VPS13C: variants seen among roughly 807,000 people sequenced by gnomAD.
VPS13C encodes the protein intermembrane lipid transfer protein VPS13C.
Under a neutral mutation model 456.8 loss-of-function variants are expected in VPS13C, and 358 were observed. The observed-to-expected ratio is 0.78, with a 90% CI of 0.72 to 0.86. The LOEUF is 0.86. VPS13C is among the 40% of genes least tolerant of loss of function. The probability of loss-of-function intolerance (pLI) is 0.00; values close to 1 mark genes in which losing one functional copy is unlikely to be tolerated. For synonymous variants in VPS13C, 1,578 were observed against 1,486.7 expected, an observed-to-expected ratio of 1.06 and a Z score of -1.41; for missense variants, 4,818 against 4,385.4, an observed-to-expected ratio of 1.10 and a Z score of -2.79.
chr15:62,022,563 T>C (rs2047501477), intron 8 of VPS13C, among the ~76,000 whole-genome samples: 1 of 151,946 alleles, frequency 6.6e-6, no homozygotes, highest in Non-Finnish European at 1.5e-5. Context: ...ACTCCATAAA[T>C]CAAGTCAGTA....
chr15:61,941,087 C>G (rs1240108874), intron 46 of VPS13C, among the ~76,000 whole-genome samples: 1 of 152,186 alleles, frequency 6.6e-6, no homozygotes, highest in African/African-American at 2.4e-5. Context: ...CTGTTTGATA[C>G]AGCGAATAGT....
At chr15:61,943,826 A>C (rs2044513355) in intron 45 of VPS13C, among the ~76,000 whole-genome samples, 1 of 152,120 alleles carries the variant, frequency 6.6e-6, no homozygotes, top group Admixed American at 6.5e-5. Context: ...TACAAAAGAA[A>C]CTTTCAGTGG....
At chr15:62,012,997 A>G in intron 11 of VPS13C, 42 bp downstream of exon 11, 1 of 1,487,776 alleles carries the variant, frequency 6.7e-7, no homozygotes, top group South Asian at 1.2e-5. Context: ...AAATTTAGGG[A>G]TGGGAGTGAA....
At chr15:62,053,350 G>A (rs1315779454) in intron 1 of VPS13C, among the ~76,000 whole-genome samples, 2 of 152,078 alleles carry the variant, frequency 1.3e-5, no homozygotes, top group Non-Finnish European at 2.9e-5. Flanking sequence ...TGCCCTACAG[G>A]TACCTGTTAA....
Position 61,867,594 on chromosome 15 carries a change from C to T in VPS13C, c.10863+1065G>A, listed in dbSNP as rs897154084. ...GTTTTTCAATTTTACCTGAAATGCA[C>T]ATGAACACCATAAGATAAAATTTTC... On this transcript the variant is annotated intron_variant, in intron 81 of 84. Coordinates refer to ENST00000644861, the MANE Select transcript of VPS13C (RefSeq NM_020821.3). The surrounding 1 kb of genome is among the most constrained non-coding windows in gnomAD (Gnocchi z 5.0). The T allele has an allele frequency of 9.5e-7, 1 of 1,051,684 alleles. No homozygotes were observed. Among genetic ancestry groups the T allele is most frequent in the Admixed American group, 5.5e-5 (1 of 18,048 alleles). The allele number at this position is 1,051,684 out of a possible 1,614,324, so 65.1% of individuals were successfully genotyped here.
At chr15:61,875,491 T>C (rs1263030106) in intron 76 of VPS13C, among the ~76,000 whole-genome samples, 2 of 152,012 alleles carry the variant, frequency 1.3e-5, no homozygotes, top group African/African-American at 2.4e-5. Flanking sequence ...TACCCAGCAC[T>C]CTAAATATTC....
intron 53 of VPS13C, among the ~76,000 whole-genome samples, chr15:61,924,010 C>T (rs570277205): frequency 8.6e-4 from 128 of 149,136 alleles, no homozygotes; most frequent in African/African-American, 2.8e-3. Context: ...GGACTACAGG[C>T]GCCCGCCACT....
chr15:61,937,289 T>C (rs1164548012), intron 47 of VPS13C, among the ~76,000 whole-genome samples: 1 of 152,196 alleles, frequency 6.6e-6, no homozygotes, highest in African/African-American at 2.4e-5. Context: ...ATAACAAATG[T>C]ATCTACAAAG....
At chr15:61,933,982 T>C (rs1456377969) in intron 49 of VPS13C, among the ~76,000 whole-genome samples, 1 of 152,154 alleles carries the variant, frequency 6.6e-6, no homozygotes, top group Non-Finnish European at 1.5e-5. Context: ...GTTTTGGTGC[T>C]GATATTACTT....
In VPS13C at chr15:62,007,265, G is replaced by A. The variant is rs748770851; in HGVS notation, c.1290+43C>T. On this transcript the variant is annotated intron_variant, in intron 15 of 84. Transcript: ENST00000644861. ...TACATGCAGAAGAATATTAAAGGAT[G>A]ATTAGACAAATAATAGCTCTCACTA... The A allele has an allele frequency of 8.3e-6, 11 of 1,325,366 alleles. No individual in the cohort carries two copies. In the East Asian group the frequency reaches 2.4e-4, roughly 29 times the overall value. 82.1% of individuals were successfully genotyped at this position (1,325,366 alleles called of 1,614,324 possible).
rs886779889 is a variant in VPS13C, at chr15:61,869,686, A to G, written c.10625-63T>C. 44 of 1,602,060 alleles carry G rather than the reference A, an allele frequency of 2.7e-5. No homozygotes were observed. The East Asian group carries it at 3.1e-4, about 11-fold the overall frequency. ...TTTTAAATGAGCAAGTTTGAGCTCA[A>G]CCAAAACCTGGGCCAGATACTGAAC... On this transcript the variant is annotated intron_variant, in intron 79 of 84. Coordinates refer to ENST00000644861, the MANE Select transcript of VPS13C (RefSeq NM_020821.3).
intron 66 of VPS13C, among the ~76,000 whole-genome samples, chr15:61,904,652 A>T (rs115809853): frequency 6.6e-6 from 1 of 152,084 alleles, no homozygotes; most frequent in Admixed American, 6.5e-5. Context: ...ATATATCCCA[A>T]TGAAAGGAAA....
At chr15:62,015,431 C>G (rs377489225) in intron 9 of VPS13C, among the ~76,000 whole-genome samples, 1 of 151,818 alleles carries the variant, frequency 6.6e-6, no homozygotes, top group Admixed American at 6.6e-5. Context: ...TCCTTGCCCA[C>G]GCCTATGTCC....
intron 27 of VPS13C, among the ~76,000 whole-genome samples, chr15:61,970,204 T>A (rs538763411): frequency 6.6e-6 from 1 of 152,212 alleles, no homozygotes; most frequent in East Asian, 1.9e-4. Context: ...CAATAGCCAG[T>A]ATCAATTGCA....
intron 45 of VPS13C, among the ~76,000 whole-genome samples, chr15:61,942,683 T>C (rs2044470312): frequency 3.9e-5 from 6 of 152,138 alleles, no homozygotes; most frequent in South Asian, 4.2e-4. Context: ...GAAAAATCTT[T>C]CCCAATGAGG....
chr15:61,878,845 G>A (rs895633103), intron 73 of VPS13C, 99 bp from the exon 74 acceptor site: 73 of 1,266,626 alleles, frequency 5.8e-5, no homozygotes, highest in Non-Finnish European at 6.9e-5. Context: ...AAAGTCTTTC[G>A]ATTAGAGTCC....
intron 9 of VPS13C, among the ~76,000 whole-genome samples, chr15:62,015,028 C>A (rs2047179040): frequency 6.6e-6 from 1 of 152,014 alleles, no homozygotes; most frequent in South Asian, 2.1e-4. Flanking sequence ...GGAAACTACC[C>A]ATTCTTATGC....
intron 82 of VPS13C, 94 bp downstream of exon 82, chr15:61,863,346 C>T: frequency 1.1e-6 from 1 of 881,680 alleles, no homozygotes; most frequent in Non-Finnish European, 1.8e-6. Flanking sequence ...ATTTTAAGTA[C>T]AATTTTCCAA....
At chr15:62,047,341 G>A (rs1481810699) in intron 1 of VPS13C, among the ~76,000 whole-genome samples, 1 of 152,014 alleles carries the variant, frequency 6.6e-6, no homozygotes, top group Non-Finnish European at 1.5e-5. Flanking sequence ...GGCTGAGTGA[G>A]GCAGGAGAAC....
Sources: gnomAD v4.1 joint callset for allele counts (sites outside exome capture counted in the v4.1 genomes callset) on GRCh38, gnomAD v4.1.1 for gene constraint, Gnocchi (gnomAD v3.1) non-coding constraint, MANE v1.5 for transcripts, NCBI Gene and HGNC (gene_info 2026-07-23, HGNC 2026-07-21) for gene names.